HOMER2: variants seen among roughly 807,000 people sequenced by gnomAD.
HOMER2 encodes the protein homer protein homolog 2.
In HOMER2, 27 loss-of-function variants were observed where a neutral mutation model predicts 47.0. The observed-to-expected ratio is 0.57, with a 90% CI of 0.42 to 0.79. The LOEUF (loss-of-function observed/expected upper bound fraction) is 0.79, where lower values mean the gene tolerates loss of function less well. Ranked by LOEUF, HOMER2 falls within the 30% of genes least tolerant of loss-of-function variation. The pLI is 0.00. For missense variants in HOMER2, 443 were observed against 435.0 expected (o/e 1.02, Z -0.16); for synonymous variants, 161 against 163.8 (o/e 0.98, Z 0.13).
intron 1 of HOMER2, among the ~76,000 whole-genome samples, chr15:82,918,897 T>C (rs1189574436): frequency 2.0e-5 from 3 of 152,182 alleles, no homozygotes; most frequent in South Asian, 4.1e-4. Context: ...GTGTCAATCA[T>C]GAAAGACACG....
chr15:82,967,841 C>T (rs574492216), intron 1 of HOMER2, among the ~76,000 whole-genome samples: 73 of 151,688 alleles, frequency 4.8e-4, no homozygotes, highest in African/African-American at 1.7e-3. Flanking sequence ...CGCACCACTG[C>T]ACTCCAGCCT....
intron 7 of HOMER2, among the ~76,000 whole-genome samples, chr15:82,851,919 C>G (rs908186526): frequency 6.6e-6 from 1 of 152,204 alleles, no homozygotes; most frequent in African/African-American, 2.4e-5. Context: ...CCTTGTGGAT[C>G]TGCACGACCA....
chr15:82,933,374 A>G (rs2054064767), intron 1 of HOMER2, among the ~76,000 whole-genome samples: 1 of 152,004 alleles, frequency 6.6e-6, no homozygotes, highest in Non-Finnish European at 1.5e-5. Context: ...CTACAGGTGC[A>G]TGCCACCACA....
chr15:82,944,227 C>T (rs1174844384), intron 1 of HOMER2, among the ~76,000 whole-genome samples: 1 of 152,124 alleles, frequency 6.6e-6, no homozygotes, highest in Non-Finnish European at 1.5e-5. Flanking sequence ...TTCAGAGGCT[C>T]CCATCCTGCC....
intron 5 of HOMER2, among the ~76,000 whole-genome samples, chr15:82,856,681 G>T (rs542765101): frequency 1.3e-5 from 2 of 152,316 alleles, no homozygotes; most frequent in Admixed American, 1.3e-4. Flanking sequence ...AAAAGAGACT[G>T]GTCACAGTTC....
intron 2 of HOMER2, among the ~76,000 whole-genome samples, chr15:82,890,850 C>T (rs1334660512): frequency 3.9e-5 from 6 of 152,308 alleles, no homozygotes; most frequent in Middle Eastern, 3.4e-3. Context: ...GCTGTCAGAA[C>T]ATCCTGGAAA....
At chr15:82,914,740 A>T (rs1256926719) in intron 1 of HOMER2, among the ~76,000 whole-genome samples, 3 of 152,238 alleles carry the variant, frequency 2.0e-5, no homozygotes, top group Non-Finnish European at 2.9e-5. Flanking sequence ...ACAACAACAA[A>T]GTGTGCTGGG....
chr15:82,939,242 G>A (rs2054207944), intron 1 of HOMER2, among the ~76,000 whole-genome samples: 3 of 152,134 alleles, frequency 2.0e-5, no homozygotes, highest in South Asian at 4.1e-4. Flanking sequence ...ACTATCAGCC[G>A]CACAGCCTAG....
At chr15:82,929,533 G>A (rs957863962) in intron 1 of HOMER2, among the ~76,000 whole-genome samples, 11 of 150,902 alleles carry the variant, frequency 7.3e-5, no homozygotes, top group Non-Finnish European at 1.5e-4. Flanking sequence ...GTACACACCT[G>A]TAATCCCAGC....
downstream of HOMER2, chr15:82,836,885 A>C (rs1247000572): frequency 6.6e-6 from 1 of 152,262 alleles, no homozygotes; most frequent in African/African-American, 2.4e-5. Flanking sequence ...AGGGTGTGTA[A>C]AAGCACATGA....
intron 1 of HOMER2, among the ~76,000 whole-genome samples, chr15:82,982,807 G>C (rs946408048): frequency 5.3e-5 from 8 of 152,126 alleles, no homozygotes; most frequent in African/African-American, 9.7e-5. Context: ...ACTAGGTGAG[G>C]AAGCATTTTT....
exon 2 of HOMER2, chr15:82,842,053 G>C (rs2051181367): frequency 1.3e-5 from 2 of 152,092 alleles, no homozygotes. Context: ...TAAGTCTAAT[G>C]TTTTAAAGTC....
At chr15:82,933,589 A>C (rs2151201360) in intron 1 of HOMER2, among the ~76,000 whole-genome samples, 1 of 151,984 alleles carries the variant, frequency 6.6e-6, no homozygotes, top group African/African-American at 2.4e-5. Context: ...ACATGCCCAG[A>C]CCCCTCCTGC....
chr15:82,978,722 A>G (rs1244997325), intron 1 of HOMER2, among the ~76,000 whole-genome samples: 1 of 151,938 alleles, frequency 6.6e-6, no homozygotes, highest in Middle Eastern at 3.4e-3. Flanking sequence ...ATGAGATCTG[A>G]CAGTTTTTTA....
At chr15:82,944,658 C>T (rs968842110) in intron 1 of HOMER2, among the ~76,000 whole-genome samples, 7 of 151,924 alleles carry the variant, frequency 4.6e-5, no homozygotes, top group Admixed American at 2.6e-4. Context: ...AGCCCCACCC[C>T]GTGTATCAAA....
intron 1 of HOMER2, among the ~76,000 whole-genome samples, chr15:82,950,093 A>G (rs2054474073): frequency 6.6e-6 from 1 of 152,182 alleles, no homozygotes; most frequent in African/African-American, 2.4e-5. Context: ...CAGCAGCTGC[A>G]TACTAGACTA....
At chr15:82,966,876 A>C (rs556297755) in intron 1 of HOMER2, among the ~76,000 whole-genome samples, 13 of 152,346 alleles carry the variant, frequency 8.5e-5, no homozygotes, top group African/African-American at 2.9e-4. Flanking sequence ...TCAAGATTTC[A>C]TGATGGCTGA....
At chr15:82,877,789 T>C (rs1277108741) in intron 2 of HOMER2, among the ~76,000 whole-genome samples, 4 of 152,122 alleles carry the variant, frequency 2.6e-5, no homozygotes, top group African/African-American at 9.7e-5. Context: ...GAATGCAACA[T>C]GAGAAGTCAA....
exon 2 of HOMER2, chr15:82,843,952 A>G (rs2051205246): frequency 6.6e-6 from 1 of 152,098 alleles, no homozygotes; most frequent in African/African-American, 2.4e-5. Flanking sequence ...TATTCATGCT[A>G]CCCGTCCATG....
Sources: gnomAD v4.1 joint callset for allele counts (sites outside exome capture counted in the v4.1 genomes callset) on GRCh38, gnomAD v4.1.1 for gene constraint, MANE v1.5 for transcripts, NCBI Gene and HGNC (gene_info 2026-07-23, HGNC 2026-07-21) for gene names.